Variants in AACS observed in about 807,000 individuals in gnomAD.
AACS encodes the protein acetoacetate-CoA ligase.
In AACS, 69 loss-of-function variants were observed where a neutral mutation model predicts 83.1. The ratio of observed to expected loss-of-function variants is 0.83; its 90% CI spans 0.68 to 1.01. The LOEUF is 1.01. AACS is among the 50% of genes least tolerant of loss of function. The pLI is 0.00. For missense variants in AACS, 866 were observed against 882.2 expected, an observed-to-expected ratio of 0.98 and a Z score of 0.23; for synonymous variants, 333 against 343.4, an observed-to-expected ratio of 0.97 and a Z score of 0.33.
At position 125,102,668 on chromosome 12, in the gene AACS, C is replaced by T; in HGVS notation, c.571-11C>T. ...GGATGATCAATGATGACTTTTTCCT[C>T]CTGCTTTCAGGGTGTGCTGGACCGG... On this transcript the variant is annotated splice_polypyrimidine_tract_variant and intron_variant, in intron 5 of 17. Coordinates refer to ENST00000316519, the MANE Select transcript of AACS (RefSeq NM_023928.5). 3.7e-6 allele frequency: 6 copies of T among 1,613,212 alleles called. No homozygotes were observed. Among genetic ancestry groups the T allele is most frequent in the Non-Finnish European group, 3.4e-6 (4 of 1,179,254 alleles).
At chr12:125,116,500 G>C (rs1433268364) in intron 9 of AACS, among the ~76,000 whole-genome samples, 1 of 152,072 alleles carries the variant, frequency 6.6e-6, no homozygotes, top group African/African-American at 2.4e-5. Flanking sequence ...GGCTCACTCT[G>C]TCACCCAGGC....
chr12:125,099,453 T>A (rs1956674328), intron 5 of AACS, among the ~76,000 whole-genome samples: 1 of 152,252 alleles, frequency 6.6e-6, no homozygotes, highest in South Asian at 2.1e-4. Flanking sequence ...TCAAAATCTA[T>A]TAAACATTGT....
At chr12:125,115,916 AC>A (rs1957045102) in intron 9 of AACS, among the ~76,000 whole-genome samples, 1 of 152,030 alleles carries the variant, frequency 6.6e-6, no homozygotes, top group South Asian at 2.1e-4. Flanking sequence ...CAGGGGACAG[AC>A]CCCTGGGATC....
chr12:125,081,463 G>A (rs765999258), intron 3 of AACS, among the ~76,000 whole-genome samples: 2 of 152,224 alleles, frequency 1.3e-5, no homozygotes, highest in African/African-American at 2.4e-5. Flanking sequence ...TTCGTTTTCT[G>A]CATGTTTTTC....
intron 1 of AACS, among the ~76,000 whole-genome samples, chr12:125,071,676 T>C (rs1280527439): frequency 6.6e-6 from 1 of 151,976 alleles, no homozygotes; most frequent in East Asian, 1.9e-4. Flanking sequence ...TCGCATTTGA[T>C]GAGAGGGCTG....
rs901030666 is a variant in AACS at position 125,129,265 on chromosome 12, A to AAG, written c.1424-60_1424-59dup. The AAG allele has an allele frequency of 4.6e-6, 7 of 1,536,654 alleles. No homozygotes were observed. In the African/African-American group the frequency reaches 5.6e-5, roughly 12 times the overall value. On this transcript the variant is annotated intron_variant, in intron 13 of 17. Coordinates refer to ENST00000316519, the MANE Select transcript of AACS (RefSeq NM_023928.5). This position sits in a 1 kb window ranked among gnomAD's most constrained non-coding sequence, Gnocchi z 4.3. ...TTGCATAATAAGTAATAGCTTAAGA[A>AAG]AGAGAGAGAGACAGCCAGGGTGTGT...
At chr12:125,136,372 T>A (rs1463199124) in intron 16 of AACS, among the ~76,000 whole-genome samples, 2 of 152,110 alleles carry the variant, frequency 1.3e-5, no homozygotes, top group Non-Finnish European at 2.9e-5. Context: ...TTGAATTAAT[T>A]TCTCATTAAG....
Position 125,086,436 on chromosome 12 carries a change from G to A in AACS, c.465G>A (p.Arg155=), listed in dbSNP as rs2136066682. 1.2e-6 allele frequency: 2 copies of A among 1,614,178 alleles called. No homozygotes were observed. The highest frequency in any genetic ancestry group is 4.5e-5 in the East Asian group (2 of 44,880). ...MRKMGVKKGD[R]VVGYLPNSEH... Reference sequence around the variant, plus strand: ...AAATGGGTGTGAAGAAAGGAGATCGGGTTGTTGGTAAGTATTTTGGGTGCT... The same window carrying A: ...AAATGGGTGTGAAGAAAGGAGATCGAGTTGTTGGTAAGTATTTTGGGTGCT... The change falls in exon 4 of 18, where the codon CGG becomes CGA. Residue 155 remains arginine, a synonymous_variant. Transcript: ENST00000316519.
Position 125,130,327 on chromosome 12 carries a change from C to T in AACS, c.1549+867C>T, listed in dbSNP as rs993515559. 6.6e-6 allele frequency among the ~76,000 whole-genome samples: 1 copy of T among 152,264 alleles called. No individual in the cohort carries two copies. Among genetic ancestry groups the T allele is most frequent in the Non-Finnish European group, 1.5e-5 (1 of 68,046 alleles). On this transcript the variant is annotated intron_variant, in intron 14 of 17. Coordinates refer to ENST00000316519, the MANE Select transcript of AACS (RefSeq NM_023928.5). The surrounding 1 kb of genome is among the most constrained non-coding windows in gnomAD (Gnocchi z 4.9). ...GTGGGGCATCCCCCCAGGGGTGGCT[C>T]AGCCTCCACTGCATACCTGCTGCAC...
chr12:125,092,667 T>G (rs897546001), intron 5 of AACS: 1 of 152,646 alleles, frequency 6.6e-6, no homozygotes, highest in African/African-American at 2.4e-5. Flanking sequence ...GGAACTTTCC[T>G]GTGTTCTTTC....
At chr12:125,085,229 A>G (rs1250968693) in intron 3 of AACS, among the ~76,000 whole-genome samples, 1 of 152,028 alleles carries the variant, frequency 6.6e-6, no homozygotes, top group African/African-American at 2.4e-5. Context: ...ATCCATGTCT[A>G]TTTCCTGGAA....
chr12:125,118,593 G>T, intron 9 of AACS, 48 bp from the exon 10 acceptor site: 2 of 1,607,976 alleles, frequency 1.2e-6, no homozygotes, highest in Admixed American at 1.7e-5. Flanking sequence ...CAGCGCTGGG[G>T]GGAGCTGCCT....
intron 3 of AACS, among the ~76,000 whole-genome samples, chr12:125,077,719 T>A (rs1023757790): frequency 2.0e-5 from 3 of 147,988 alleles, no homozygotes; most frequent in African/African-American, 2.5e-5. Flanking sequence ...AGTTGGCAAT[T>A]TTTTTTTTTT....
At chr12:125,095,544 T>C (rs958919218) in intron 5 of AACS, among the ~76,000 whole-genome samples, 1 of 152,210 alleles carries the variant, frequency 6.6e-6, no homozygotes, top group Non-Finnish European at 1.5e-5. Context: ...GTTTCTTCCC[T>C]GGCCTCAGGC....
intron 12 of AACS, 117 bp downstream of exon 12, chr12:125,125,141 G>A (rs568519700): frequency 9.0e-6 from 13 of 1,445,890 alleles, no homozygotes; most frequent in Admixed American, 3.8e-5. Context: ...CAGCCAATAC[G>A]CACAGTCCCT....
chr12:125,090,236 T>C (rs1336336635), intron 4 of AACS, among the ~76,000 whole-genome samples: 5 of 10,416 alleles, frequency 4.8e-4, no homozygotes, highest in Admixed American at 2.6e-3. Flanking sequence ...TTTATTATGC[T>C]TCCACCCATC....
rs143639767 is a variant in AACS at position 125,142,181 on chromosome 12, C to T, written c.1971C>T (p.Pro657=). 1.1e-5 allele frequency: 17 copies of T among 1,614,040 alleles called. No homozygotes were observed. Among genetic ancestry groups the T allele is most frequent in the South Asian group, 2.2e-5 (2 of 91,070 alleles). The change falls in exon 18 of 18, where the codon CCC becomes CCT. Residue 657 remains proline (P), a synonymous_variant. Transcript: ENST00000316519. ...AGCAAGGAGGTGCTTTCTCGAACCC[C>T]GAGACCCTGGATCTGTACCGGGACA... ...AVEQGGAFSN[P]ETLDLYRDIP...
chr12:125,141,931 G>A (rs1269541677), intron 17 of AACS, among the ~76,000 whole-genome samples, 161 bp from the exon 18 acceptor site: 3 of 152,068 alleles, frequency 2.0e-5, no homozygotes, highest in Non-Finnish European at 4.4e-5. Context: ...TTCGGTGCAC[G>A]TTTGCAGACC....
intron 3 of AACS, among the ~76,000 whole-genome samples, chr12:125,084,723 T>A (rs1351450062): frequency 6.6e-6 from 1 of 151,962 alleles, no homozygotes; most frequent in Non-Finnish European, 1.5e-5. Flanking sequence ...GGACTATAGG[T>A]AAGCACCACC....
Sources: gnomAD v4.1 joint callset for allele counts (sites outside exome capture counted in the v4.1 genomes callset) on GRCh38, gnomAD v4.1.1 for gene constraint, Gnocchi (gnomAD v3.1) non-coding constraint, MANE v1.5 for transcripts, NCBI Gene and HGNC (gene_info 2026-07-23, HGNC 2026-07-21) for gene names.